PPARGC1A: variants seen among roughly 807,000 people sequenced by gnomAD.
PPARGC1A encodes PPARG coactivator 1 alpha.
A neutral mutation model predicts 88.7 loss-of-function variants in PPARGC1A; 25 were observed. The observed-to-expected ratio is 0.28, with a 90% CI of 0.21 to 0.39. The LOEUF is 0.39. Among genes scored for constraint, PPARGC1A ranks in the 10% least tolerant of loss-of-function variants. The pLI is 1.00. For synonymous variants in PPARGC1A, 363 were observed against 355.6 expected (o/e 1.02, Z -0.24); for missense variants, 880 against 968.7 (o/e 0.91, Z 1.22).
chr4:24,469,126 A>G, the PPARGC1A span, among the ~76,000 whole-genome samples: 1 of 152,246 alleles, frequency 6.6e-6, no homozygotes, highest in African/African-American at 2.4e-5. Flanking sequence ...TTTGGCAGCA[A>G]TCAGGGTAAA....
chr4:24,182,651 C>T, the PPARGC1A span, among the ~76,000 whole-genome samples: 2 of 152,070 alleles, frequency 1.3e-5, no homozygotes, highest in Non-Finnish European at 2.9e-5. Context: ...ACAGCCTCGC[C>T]AGCATCTGTT....
At chr4:24,125,681 AAAGTTGTATAG>A in the PPARGC1A span, among the ~76,000 whole-genome samples, 8 of 118,008 alleles carry the variant, frequency 6.8e-5, no homozygotes, top group African/African-American at 2.4e-4. Context: ...AAGTTGCTGA[AAAGTTGTATAG>A]AAGATTAGAG....
intron 2 of PPARGC1A, among the ~76,000 whole-genome samples, chr4:23,864,585 A>C (rs1352958242): frequency 6.6e-6 from 1 of 152,300 alleles, no homozygotes; most frequent in Admixed American, 6.5e-5. Context: ...GTGAACATGC[A>C]CTCAAGAACA....
the PPARGC1A span, among the ~76,000 whole-genome samples, chr4:24,237,920 G>A: frequency 2.6e-5 from 4 of 152,222 alleles, no homozygotes; most frequent in Admixed American, 6.5e-5. Context: ...GAGCCTTGGT[G>A]ATGTGCCCGG....
chr4:24,418,610 T>C, the PPARGC1A span, among the ~76,000 whole-genome samples: 1 of 152,160 alleles, frequency 6.6e-6, no homozygotes, highest in Non-Finnish European at 1.5e-5. Flanking sequence ...GGTATGAACC[T>C]AGCTACACTA....
the PPARGC1A span, among the ~76,000 whole-genome samples, chr4:24,345,920 C>T: frequency 6.6e-6 from 1 of 152,142 alleles, no homozygotes; most frequent in Non-Finnish European, 1.5e-5. Flanking sequence ...GTGGATCTGT[C>T]ATAGATGGCT....
the PPARGC1A span, among the ~76,000 whole-genome samples, chr4:24,401,579 T>C: frequency 2.6e-5 from 4 of 152,190 alleles, no homozygotes; most frequent in African/African-American, 9.7e-5. Context: ...TGTGCCAAGT[T>C]TGATGCTCAG....
At chr4:24,295,888 T>G in the PPARGC1A span, among the ~76,000 whole-genome samples, 1 of 151,252 alleles carries the variant, frequency 6.6e-6, no homozygotes, top group Non-Finnish European at 1.5e-5. Flanking sequence ...GTGCCCAGCC[T>G]CGGTGCTAGG....
intron 2 of PPARGC1A, among the ~76,000 whole-genome samples, chr4:23,832,380 C>G (rs1725168891): frequency 6.6e-6 from 1 of 152,132 alleles, no homozygotes; most frequent in South Asian, 2.1e-4. Flanking sequence ...TAATAGCTCC[C>G]TCATCCCCAA....
the PPARGC1A span, among the ~76,000 whole-genome samples, chr4:24,204,021 A>C: frequency 6.6e-6 from 1 of 152,228 alleles, no homozygotes; most frequent in East Asian, 1.9e-4. Context: ...ATTCCTGTGG[A>C]GCCTCTGCCT....
the PPARGC1A span, among the ~76,000 whole-genome samples, chr4:24,363,477 T>C: frequency 6.6e-6 from 1 of 152,212 alleles, no homozygotes; most frequent in Non-Finnish European, 1.5e-5. Context: ...ACCATAATGA[T>C]CCGGCTATTA....
chr4:24,300,424 G>A, the PPARGC1A span, among the ~76,000 whole-genome samples: 1 of 132,086 alleles, frequency 7.6e-6, no homozygotes, highest in African/African-American at 2.8e-5. Flanking sequence ...GTGCCCGGAA[G>A]ATGAAGCATT....
chr4:24,332,824 A>G, the PPARGC1A span, among the ~76,000 whole-genome samples: 1 of 152,222 alleles, frequency 6.6e-6, no homozygotes, highest in Non-Finnish European at 1.5e-5. Context: ...TATTTCAGAA[A>G]TTTGCTCAGC....
At chr4:24,044,039 C>T in the PPARGC1A span, among the ~76,000 whole-genome samples, 1 of 152,088 alleles carries the variant, frequency 6.6e-6, no homozygotes, top group African/African-American at 2.4e-5. Flanking sequence ...CATAAGTGTA[C>T]GCTGGCTTTC....
At chr4:23,998,095 T>C in the PPARGC1A span, among the ~76,000 whole-genome samples, 1 of 152,336 alleles carries the variant, frequency 6.6e-6, no homozygotes. Flanking sequence ...TGTTATGAAG[T>C]TCTCCACATG....
the PPARGC1A span, among the ~76,000 whole-genome samples, chr4:24,445,420 T>C: frequency 2.0e-5 from 3 of 152,222 alleles, no homozygotes; most frequent in African/African-American, 7.2e-5. Flanking sequence ...TCTATTCTGA[T>C]GACACAACCA....
the PPARGC1A span, among the ~76,000 whole-genome samples, chr4:24,133,751 A>G: frequency 6.6e-6 from 1 of 152,180 alleles, no homozygotes; most frequent in South Asian, 2.1e-4. Flanking sequence ...ACAAGGGGAC[A>G]TTATTCAGCA....
At chr4:24,086,675 T>C in the PPARGC1A span, among the ~76,000 whole-genome samples, 2 of 152,142 alleles carry the variant, frequency 1.3e-5, no homozygotes, top group African/African-American at 4.8e-5. Context: ...TCTTCTTAAG[T>C]ATGGATGTGC....
intron 1 of PPARGC1A, 88 bp from the exon 2 acceptor site, chr4:23,885,019 G>C: frequency 1.7e-6 from 2 of 1,184,778 alleles, no homozygotes; most frequent in Non-Finnish European, 2.3e-6. Context: ...TAGGAATTAA[G>C]CCTAGTTAAT....
Sources: gnomAD v4.1 joint callset for allele counts (sites outside exome capture counted in the v4.1 genomes callset) on GRCh38, gnomAD v4.1.1 for gene constraint, MANE v1.5 for transcripts, NCBI Gene and HGNC (gene_info 2026-07-23, HGNC 2026-07-21) for gene names.